The following KCNT2 variants were observed in gnomAD, a reference collection of about 807,000 sequenced individuals.
The protein encoded by KCNT2 is potassium sodium-activated channel subfamily T member 2.
Under a neutral mutation model 153.8 loss-of-function variants are expected in KCNT2, and 67 were observed. That is an observed-to-expected ratio of 0.44 (90% CI 0.36 to 0.53). KCNT2 has a LOEUF of 0.53. Ranked by LOEUF, KCNT2 falls within the 20% of genes least tolerant of loss-of-function variation. The probability of loss-of-function intolerance (pLI) is 0.00; values close to 1 mark genes in which losing one functional copy is unlikely to be tolerated. For missense variants in KCNT2, 975 were observed against 1,354.8 expected (o/e 0.72, Z 4.40); for synonymous variants, 500 against 458.8 (o/e 1.09, Z -1.15).
intron 5 of KCNT2, among the ~76,000 whole-genome samples, chr1:196,473,506 T>C (rs1225358696): frequency 6.6e-6 from 1 of 152,178 alleles, no homozygotes; most frequent in East Asian, 1.9e-4. Flanking sequence ...TGTATGCATA[T>C]ATGTGTATGT....
At chr1:196,368,882 C>T (rs1414685864) in intron 14 of KCNT2, among the ~76,000 whole-genome samples, 2 of 152,126 alleles carry the variant, frequency 1.3e-5, no homozygotes, top group Admixed American at 1.3e-4. Context: ...AAAGCAAATA[C>T]ATCCAATATC....
chr1:196,422,292 A>AC (rs1209701456), intron 12 of KCNT2, among the ~76,000 whole-genome samples: 1 of 151,974 alleles, frequency 6.6e-6, no homozygotes, highest in Non-Finnish European at 1.5e-5. Context: ...AGATCTATGC[A>AC]CAGTTTGCCT....
At chr1:196,247,980 A>C (rs1357384890) in intron 26 of KCNT2, among the ~76,000 whole-genome samples, 1 of 152,214 alleles carries the variant, frequency 6.6e-6, no homozygotes, top group African/African-American at 2.4e-5. Flanking sequence ...ATAAAACTAC[A>C]AATCAACAAG....
chr1:196,559,634 A>G (rs1467921516), intron 1 of KCNT2, among the ~76,000 whole-genome samples: 1 of 151,878 alleles, frequency 6.6e-6, no homozygotes, highest in African/African-American at 2.4e-5. Context: ...CTATTTTACT[A>G]TATCCTCTTT....
intron 25 of KCNT2, among the ~76,000 whole-genome samples, chr1:196,268,266 AAAT>A (rs1226226796): frequency 6.6e-6 from 1 of 152,160 alleles, no homozygotes; most frequent in African/African-American, 2.4e-5. Context: ...TACATACACA[AAAT>A]AATAATCAAG....
At chr1:196,414,884 C>T (rs1672631188) in intron 12 of KCNT2, among the ~76,000 whole-genome samples, 1 of 151,856 alleles carries the variant, frequency 6.6e-6, no homozygotes, top group African/African-American at 2.4e-5. Flanking sequence ...TCTTCTGGCC[C>T]TCCCAAGACA....
intron 21 of KCNT2, among the ~76,000 whole-genome samples, chr1:196,308,174 G>A (rs548324555): frequency 1.3e-4 from 20 of 151,632 alleles, no homozygotes; most frequent in Non-Finnish European, 1.9e-4. Context: ...TTTTCTCTCC[G>A]ATGGGTAACA....
chr1:196,344,959 T>C (rs983762692), intron 14 of KCNT2, among the ~76,000 whole-genome samples: 1 of 152,162 alleles, frequency 6.6e-6, no homozygotes, highest in African/African-American at 2.4e-5. Context: ...ATACAAACTT[T>C]GTTATTTTCA....
Position 196,342,091 on chromosome 1 carries a change from T to C in KCNT2, c.1541A>G (p.His514Arg). ...EGKSFTYASF[H>R]AHKKFGVCLI... Reference sequence around the variant, plus strand: ...GGCAGAAACATACTTTTTGTGTGCATGGAAAGAGGCATATGTAAAACTCTT... The same window carrying C: ...GGCAGAAACATACTTTTTGTGTGCACGGAAAGAGGCATATGTAAAACTCTT... The change falls in exon 15 of 28, where the codon CAT becomes CGT. Residue 514 changes from histidine (H) to arginine (R), a missense_variant. This residue lies in a region of KCNT2 where 325 missense variants were observed against 388.1 expected (regional missense o/e 0.84). Coordinates refer to ENST00000294725, the MANE Select transcript of KCNT2 (RefSeq NM_198503.5). The C allele has an allele frequency of 1.2e-6, 2 of 1,601,902 alleles. No homozygotes were observed. Among genetic ancestry groups the C allele is most frequent in the Non-Finnish European group, 1.7e-6 (2 of 1,174,128 alleles).
chr1:196,495,729 TC>T (rs780683900), intron 1 of KCNT2, among the ~76,000 whole-genome samples: 1 of 152,216 alleles, frequency 6.6e-6, no homozygotes, highest in Non-Finnish European at 1.5e-5. Context: ...GTCATTTTTG[TC>T]AAAGGCTTAT....
chr1:196,592,131 G>A (rs971761600), intron 1 of KCNT2, among the ~76,000 whole-genome samples: 1 of 152,076 alleles, frequency 6.6e-6, no homozygotes, highest in South Asian at 2.1e-4. Flanking sequence ...ATCAACCGAT[G>A]AATGGATAAA....
chr1:196,329,306 C>G (rs1664202368), intron 18 of KCNT2, among the ~76,000 whole-genome samples: 1 of 152,064 alleles, frequency 6.6e-6, no homozygotes. Flanking sequence ...ACCTAAATAA[C>G]CAATAATTCC....
At chr1:196,470,876 CTTTTTT>C (rs71154745) in intron 5 of KCNT2, among the ~76,000 whole-genome samples, 60 of 75,878 alleles carry the variant, frequency 7.9e-4, no homozygotes, top group African/African-American at 2.7e-3. Flanking sequence ...TTCTTTCTTT[CTTTTTT>C]TTTTTTTTTT....
chr1:196,319,483 C>T lies in KCNT2; in HGVS notation c.2348+1G>A. 1 of 1,608,092 alleles carries T rather than the reference C, an allele frequency of 6.2e-7. No homozygotes were observed. The highest frequency in any genetic ancestry group is 8.5e-7 in the Non-Finnish European group (1 of 1,175,754). ...AGTGTGCCAAAGATTTTGTCACCTACTTGTCAATAGAGCCCACCATGTAGT... is the reference window on the plus strand; with the variant it reads ...AGTGTGCCAAAGATTTTGTCACCTATTTGTCAATAGAGCCCACCATGTAGT... On this transcript the variant is annotated splice_donor_variant, in intron 20 of 27. Coordinates refer to ENST00000294725, the MANE Select transcript of KCNT2 (RefSeq NM_198503.5). LOFTEE classifies it high-confidence loss of function.
intron 1 of KCNT2, among the ~76,000 whole-genome samples, chr1:196,569,832 G>T (rs552863845): frequency 2.6e-4 from 40 of 152,054 alleles, no homozygotes; most frequent in Admixed American, 6.5e-4. Context: ...TGGAAAGAAA[G>T]CTAAAAGACT....
chr1:196,454,942 T>C (rs1557956967), intron 8 of KCNT2, among the ~76,000 whole-genome samples: 1 of 152,026 alleles, frequency 6.6e-6, no homozygotes, highest in African/African-American at 2.4e-5. Context: ...TCCACTCATG[T>C]TGTATGCAGT....
intron 3 of KCNT2, among the ~76,000 whole-genome samples, chr1:196,486,474 C>T (rs925960667): frequency 6.6e-6 from 1 of 151,812 alleles, no homozygotes; most frequent in Non-Finnish European, 1.5e-5. Context: ...AATATAGGAA[C>T]TTAGTAATGT....
Position 196,342,193 on chromosome 1 carries a change from A to C in KCNT2, c.1439T>G (p.Met480Arg), listed in dbSNP as rs867154087. 9 of 1,611,544 alleles carry C rather than the reference A, an allele frequency of 5.6e-6. 1 individual carries two copies. The Middle Eastern group carries it at 1.5e-3, about 266-fold the overall frequency. The change falls in exon 15 of 28, where the codon ATG becomes AGG. Residue 480 changes from methionine (M) to arginine (R), a missense_variant. Met to Arg is a moderately conservative substitution (Grantham distance 91, BLOSUM62 -1). Coordinates refer to ENST00000294725, the MANE Select transcript of KCNT2 (RefSeq NM_198503.5). ...GQQSPEQWQK[M>R]YGRCSGNEVY... Reference sequence around the variant, plus strand: ...TTCATTCCCGGAGCATCTACCGTACATCTTCTGCCATTGTTCTGGCGATTG... The same window carrying C: ...TTCATTCCCGGAGCATCTACCGTACCTCTTCTGCCATTGTTCTGGCGATTG...
rs142140889 is a variant in KCNT2, at chr1:196,587,887, C to G, written c.95+20328G>C. Among the ~76,000 whole-genome samples the G allele has an allele frequency of 2.0e-5, 3 of 152,118 alleles. No individual in the cohort carries two copies. The East Asian group carries it at 5.8e-4, about 29-fold the overall frequency. ...TCAAATTATCCTGCTTATATACTGA[C>G]ATGCTCCACTGCTCCCAAATATCTA... is the stretch of plus-strand genomic sequence containing the variant. On this transcript the variant is annotated intron_variant, in intron 1 of 27. Coordinates refer to ENST00000294725, the MANE Select transcript of KCNT2 (RefSeq NM_198503.5).
Sources: gnomAD v4.1 joint callset for allele counts (sites outside exome capture counted in the v4.1 genomes callset) on GRCh38, gnomAD v4.1.1 for gene constraint, gnomAD v4.1.1 regional missense constraint, MANE v1.5 for transcripts, NCBI Gene and HGNC (gene_info 2026-07-23, HGNC 2026-07-21) for gene names.